EPB41L1: variants seen among roughly 807,000 people sequenced by gnomAD.
EPB41L1 encodes the protein band 4.1-like protein 1.
In EPB41L1, 29 loss-of-function variants were observed where a neutral mutation model predicts 97.8. That is an observed-to-expected ratio of 0.30 (90% confidence interval 0.22 to 0.40). The LOEUF is 0.40. EPB41L1 is among the 10% of genes least tolerant of loss of function. The probability of loss-of-function intolerance (pLI) is 1.00; values close to 1 mark genes in which losing one functional copy is unlikely to be tolerated. For missense variants in EPB41L1, 812 were observed against 1,162.3 expected (o/e 0.70, Z 4.38); for synonymous variants, 383 against 459.2 (o/e 0.83, Z 2.12).
intron 16 of EPB41L1, 93 bp from the exon 17 acceptor site, chr20:36,214,263 TG>T: frequency 1.1e-6 from 1 of 940,218 alleles, no homozygotes; most frequent in South Asian, 1.4e-5. Context: ...TCACACAGCC[TG>T]TCACTTTGTA....
intron 7 of EPB41L1, 103 bp downstream of exon 7, chr20:36,185,438 C>T (rs2061643826): frequency 1.1e-5 from 12 of 1,108,976 alleles, no homozygotes; most frequent in African/African-American, 1.5e-5. Flanking sequence ...CTGTTTGTAC[C>T]CCGCCTGGCT....
At chr20:36,196,696 T>G (rs1226336066) in intron 13 of EPB41L1, among the ~76,000 whole-genome samples, 1 of 152,248 alleles carries the variant, frequency 6.6e-6, no homozygotes, top group Non-Finnish European at 1.5e-5. Context: ...CAGTGGTTCT[T>G]CCAGAATTAC....
At chr20:36,183,224 C>G (rs1184408454) in intron 6 of EPB41L1, among the ~76,000 whole-genome samples, 2 of 151,928 alleles carry the variant, frequency 1.3e-5, no homozygotes, top group Non-Finnish European at 2.9e-5. Flanking sequence ...AAAATATGGG[C>G]TTGGAGTTCC....
rs766554730 is a variant in EPB41L1, at chr20:36,190,619, C to T, written c.1125-3C>T. On this transcript the variant is annotated splice_polypyrimidine_tract_variant and splice_region_variant and intron_variant, in intron 10 of 21. Transcript: ENST00000338074. This position sits in a 1 kb window ranked among gnomAD's most constrained non-coding sequence, Gnocchi z 5.8. ...CCTCCTCCCCTGCATCCCTCTGCTG[C>T]AGGCTGGTGTCCCCTGAGCCCCCAC... 2 of 1,613,920 alleles carry T rather than the reference C, an allele frequency of 1.2e-6. No individual in the cohort carries two copies. The highest frequency in any genetic ancestry group is 1.7e-6 in the Non-Finnish European group (2 of 1,180,008).
intron 6 of EPB41L1, among the ~76,000 whole-genome samples, 164 bp from the exon 7 acceptor site, chr20:36,184,953 C>T (rs559930402): frequency 6.6e-6 from 1 of 152,242 alleles, no homozygotes; most frequent in Admixed American, 6.5e-5. Flanking sequence ...GTTGCAAAAC[C>T]ATCTCATGAG....
chr20:36,175,333 G>A (rs971106985), intron 2 of EPB41L1, among the ~76,000 whole-genome samples: 3 of 152,156 alleles, frequency 2.0e-5, no homozygotes, highest in Admixed American at 1.3e-4. Context: ...GGAAGATGGG[G>A]ACCCCTCACA....
In EPB41L1 at chr20:36,209,341, TG is replaced by T; in HGVS notation, c.1669-143del. 3.5e-6 allele frequency: 2 copies of T among 569,336 alleles called. No homozygotes were observed. The highest frequency in any genetic ancestry group is 5.8e-6 in the Non-Finnish European group (2 of 346,254). The allele number at this position is 569,336 out of a possible 1,614,324, so 35.3% of individuals were successfully genotyped here. A position where few individuals can be genotyped will look rare whatever the true frequency, so the allele number is the denominator to read the frequency against. On this transcript the variant is annotated intron_variant, in intron 14 of 21. Coordinates refer to ENST00000338074, the MANE Select transcript of EPB41L1 (RefSeq NM_012156.2). The surrounding 1 kb of genome is among the most constrained non-coding windows in gnomAD (Gnocchi z 4.2). ...TGTTATGATTTCAAGGAACCTTTCCTGGGGTGTTTTTCATTTCCTGGCCTGC... is the reference window on the plus strand; with the variant it reads ...TGTTATGATTTCAAGGAACCTTTCCTGGGTGTTTTTCATTTCCTGGCCTGC...
chr20:36,145,683 G>C (rs375737600), intron 2 of EPB41L1, among the ~76,000 whole-genome samples: 3 of 152,212 alleles, frequency 2.0e-5, no homozygotes, highest in Admixed American at 6.5e-5. Flanking sequence ...CTGTCCACTA[G>C]AAATGTCTGT....
At chr20:36,136,645 G>T (rs2059428391) in intron 2 of EPB41L1, among the ~76,000 whole-genome samples, 1 of 150,818 alleles carries the variant, frequency 6.6e-6, no homozygotes, top group African/African-American at 2.4e-5. Flanking sequence ...GAGTACACAG[G>T]TGCAATCATA....
Position 36,230,432 on chromosome 20 carries a change from CTG to C in EPB41L1, c.*1093_*1094del. On this transcript the variant is annotated 3_prime_UTR_variant, in exon 22 of 22. Coordinates refer to ENST00000338074, the MANE Select transcript of EPB41L1 (RefSeq NM_012156.2). ...TGGCCCAGCTAAGGAGACCTGGACT[CTG>C]GGTGTGGGTTGGCTCACAGTAGGGG... 6.6e-6 allele frequency: 1 copy of C among 152,298 alleles called. No homozygotes were observed. The highest frequency in any genetic ancestry group is 1.9e-4 in the East Asian group (1 of 5,180). 9.4% of individuals were successfully genotyped at this position (152,298 alleles called of 1,614,324 possible).
At chr20:36,208,310 G>A (rs921578908) in intron 14 of EPB41L1, 10 of 450,100 alleles carry the variant, frequency 2.2e-5, no homozygotes, top group African/African-American at 1.0e-4. Flanking sequence ...GAACAAATCC[G>A]GAGATGCGGT....
At chr20:36,217,361 G>A (rs928925666) in intron 17 of EPB41L1, among the ~76,000 whole-genome samples, 1 of 152,184 alleles carries the variant, frequency 6.6e-6, no homozygotes, top group Non-Finnish European at 1.5e-5. Flanking sequence ...GGTGGCAAGT[G>A]AGGAGAGCCT....
At chr20:36,182,804 A>G (rs1890715715) in intron 6 of EPB41L1, among the ~76,000 whole-genome samples, 1 of 152,214 alleles carries the variant, frequency 6.6e-6, no homozygotes, top group Non-Finnish European at 1.5e-5. Flanking sequence ...CCCATGTAAA[A>G]GCTGCTGTGC....
chr20:36,102,036 C>CAAAACAAAACA (rs145505987), intron 1 of EPB41L1, among the ~76,000 whole-genome samples: 317 of 148,816 alleles, frequency 2.1e-3, no homozygotes, highest in African/African-American at 5.2e-3. Flanking sequence ...CAAAACAAAA[C>CAAAACAAAACA]AAAAAAAACA....
At chr20:36,198,898 C>T (rs531057658) in intron 14 of EPB41L1, among the ~76,000 whole-genome samples, 7 of 152,166 alleles carry the variant, frequency 4.6e-5, no homozygotes, top group African/African-American at 1.7e-4. Flanking sequence ...CTCTGAGGCT[C>T]GTTGGGTAGA....
intron 5 of EPB41L1, among the ~76,000 whole-genome samples, chr20:36,180,667 G>A (rs948965843): frequency 2.0e-5 from 3 of 152,218 alleles, no homozygotes; most frequent in African/African-American, 7.2e-5. Flanking sequence ...GTAAAGCAGG[G>A]TAGTGCTAGT....
chr20:36,212,553 G>A lies in EPB41L1; in HGVS notation c.2184+177G>A, dbSNP rs2063194537. Reference sequence around the variant, plus strand: ...TGTCCTCTCTGAGCTCTGGGGAGGGGCAACGGGTAAAGCAGGTTCCTGTCC... The same window carrying A: ...TGTCCTCTCTGAGCTCTGGGGAGGGACAACGGGTAAAGCAGGTTCCTGTCC... On this transcript the variant is annotated intron_variant, in intron 16 of 21. Coordinates refer to ENST00000338074, the MANE Select transcript of EPB41L1 (RefSeq NM_012156.2). The surrounding 1 kb of genome is among the most constrained non-coding windows in gnomAD (Gnocchi z 4.8). 6.6e-6 allele frequency among the ~76,000 whole-genome samples: 1 copy of A among 152,188 alleles called. No homozygotes were observed. The highest frequency in any genetic ancestry group is 1.5e-5 in the Non-Finnish European group (1 of 68,034).
intron 2 of EPB41L1, among the ~76,000 whole-genome samples, chr20:36,143,724 TTGTG>T (rs2059731080): frequency 6.6e-6 from 1 of 151,368 alleles, no homozygotes; most frequent in South Asian, 2.1e-4. Context: ...GAGTGTGACT[TTGTG>T]TGTGTGTATG....
chr20:36,141,821 ATTGGGGCCAGGCACGGTGGCTCACGCCT>A (rs1320899113), intron 2 of EPB41L1, among the ~76,000 whole-genome samples: 2 of 152,304 alleles, frequency 1.3e-5, no homozygotes, highest in South Asian at 2.1e-4. Flanking sequence ...TTTTATAGAA[ATTGGGGCCAGGCACGGTGGCTCACGCCT>A]ATAATCCCAG....
Sources: allele counts gnomAD v4.1 joint callset (sites outside exome capture counted in the v4.1 genomes callset), GRCh38; gene constraint gnomAD v4.1.1; non-coding constraint Gnocchi (gnomAD v3.1); transcripts MANE v1.5; gene names NCBI Gene and HGNC (gene_info 2026-07-23, HGNC 2026-07-21).